The following ZNF331 variants were observed in gnomAD, a reference collection of about 807,000 sequenced individuals.
The protein encoded by ZNF331 is C2H2-like zinc finger protein rearranged in thyroid adenomas.
In ZNF331, 2 loss-of-function variants were observed where a neutral mutation model predicts 7.0. The ratio of observed to expected loss-of-function variants is 0.29; its 90% CI spans 0.12 to 0.90. The LOEUF is 0.90. Ranked by LOEUF, ZNF331 falls within the 40% of genes least tolerant of loss-of-function variation. ZNF331 has a pLI of 0.58. For synonymous variants in ZNF331, 196 were observed against 205.4 expected (o/e 0.95, Z 0.39); for missense variants, 432 against 587.7 (o/e 0.74, Z 2.74).
At chr19:53,523,358 A>G (rs1025420436) in intron 2 of ZNF331, 12 of 151,894 alleles carry the variant, frequency 7.9e-5, no homozygotes, top group African/African-American at 2.7e-4. Context: ...AGCTGGAATT[A>G]TAGGCACCCA....
intron 2 of ZNF331, among the ~76,000 whole-genome samples, chr19:53,542,306 C>T (rs541529904): frequency 6.6e-6 from 1 of 152,276 alleles, no homozygotes; most frequent in East Asian, 1.9e-4. Context: ...CCTATGGTAA[C>T]AAATTTTCAA....
In ZNF331 at chr19:53,569,386, G is replaced by A. The variant is rs187631835; in HGVS notation, c.9+1G>A. The A allele has an allele frequency of 8.7e-6, 14 of 1,613,834 alleles. No homozygotes were observed. In the East Asian group the frequency reaches 2.7e-4, roughly 31 times the overall value. Reference sequence around the variant, plus strand: ...CTTCAGTTCTAAAACAATGGCCCAGGTAAGTGTATATTTCTCTTTCCTTCT... The same window carrying A: ...CTTCAGTTCTAAAACAATGGCCCAGATAAGTGTATATTTCTCTTTCCTTCT... On this transcript the variant is annotated splice_donor_variant, in intron 4 of 5. Coordinates refer to ENST00000449416, the MANE Select transcript of ZNF331 (RefSeq NM_001079906.2). LOFTEE classifies it high-confidence loss of function.
the ZNF331 span, chr19:53,503,729 A>G: frequency 2.9e-6 from 2 of 700,582 alleles, no homozygotes; most frequent in Non-Finnish European, 5.2e-6. Flanking sequence ...CAGCCCCAGG[A>G]GCTCAGGTGG....
chr19:53,547,923 T>C (rs2088724472), intron 2 of ZNF331, among the ~76,000 whole-genome samples: 1 of 152,004 alleles, frequency 6.6e-6, no homozygotes, highest in African/African-American at 2.4e-5. Flanking sequence ...TTGTCATTTT[T>C]GTTTGTTTTT....
At chr19:53,549,240 G>A (rs2088824816) in intron 2 of ZNF331, among the ~76,000 whole-genome samples, 1 of 152,180 alleles carries the variant, frequency 6.6e-6, no homozygotes, top group African/African-American at 2.4e-5. Context: ...TCAAAGATCA[G>A]TTGACCATGA....
chr19:53,559,109 TACACACCATACATACAC>T (rs1242071074), intron 3 of ZNF331, among the ~76,000 whole-genome samples: 1 of 129,478 alleles, frequency 7.7e-6, no homozygotes, highest in Non-Finnish European at 1.7e-5. Context: ...GACACATATA[TACACACCATACATACAC>T]ACACACCCCA....
intron 2 of ZNF331, among the ~76,000 whole-genome samples, chr19:53,529,490 G>A (rs1474689614): frequency 1.3e-5 from 2 of 152,066 alleles, no homozygotes; most frequent in Non-Finnish European, 2.9e-5. Flanking sequence ...GTATTACACT[G>A]TAGTTCAATC....
intron 2 of ZNF331, among the ~76,000 whole-genome samples, chr19:53,545,414 G>A (rs189689725): frequency 1.1e-3 from 160 of 152,338 alleles, no homozygotes; most frequent in Non-Finnish European, 1.6e-3. Flanking sequence ...ACAGCAGCTC[G>A]GGCAGCCTGT....
At chr19:53,550,947 C>T (rs2088966732) in intron 2 of ZNF331, among the ~76,000 whole-genome samples, 1 of 151,078 alleles carries the variant, frequency 6.6e-6, no homozygotes, top group South Asian at 2.1e-4. Context: ...CGGGTTCAAG[C>T]TCTTCTCCTA....
In ZNF331 at chr19:53,569,333, G is replaced by C. The variant is rs1416423085; in HGVS notation, c.-44G>C. 1.2e-6 allele frequency: 2 copies of C among 1,611,742 alleles called. No homozygotes were observed. Among genetic ancestry groups the C allele is most frequent in the African/African-American group, 2.7e-5 (2 of 74,744 alleles). ...AGCCTCTCGGAATTTGTCTTCTTCA[G>C]TGGAAACCCCGAGAAGACTGATCAG... On this transcript the variant is annotated 5_prime_UTR_variant, in exon 4 of 6. Coordinates refer to ENST00000449416, the MANE Select transcript of ZNF331 (RefSeq NM_001079906.2).
At chr19:53,517,674 A>T (rs145992362), upstream of ZNF331, among the ~76,000 whole-genome samples, 1,928 of 152,278 alleles carry the variant, frequency 0.013, 18 homozygotes, top group Non-Finnish European at 0.019. Flanking sequence ...GGCTCACACG[A>T]TCACAAGGCA....
chr19:53,550,017 A>G (rs2088880758), intron 2 of ZNF331, among the ~76,000 whole-genome samples: 1 of 152,200 alleles, frequency 6.6e-6, no homozygotes, highest in Non-Finnish European at 1.5e-5. Context: ...CATGTCGATT[A>G]ATATCCACAT....
intron 2 of ZNF331, among the ~76,000 whole-genome samples, chr19:53,545,348 C>T (rs560264605): frequency 7.2e-5 from 11 of 152,330 alleles, no homozygotes; most frequent in Admixed American, 2.6e-4. Context: ...GCGTGACTAA[C>T]GGGGCATAAC....
At chr19:53,520,784 A>G (rs141693253), upstream of ZNF331, among the ~76,000 whole-genome samples, 248 of 150,518 alleles carry the variant, frequency 1.6e-3, 1 homozygote, top group African/African-American at 5.8e-3. Flanking sequence ...TATGAGCTAC[A>G]TTTCCCAGAA....
intron 3 of ZNF331, among the ~76,000 whole-genome samples, chr19:53,569,018 G>A (rs983059939): frequency 1.1e-4 from 16 of 151,828 alleles, no homozygotes; most frequent in African/African-American, 3.9e-4. Context: ...CACCACATCC[G>A]GCTAATTTTT....
At chr19:53,518,184 T>C (rs2086949931), upstream of ZNF331, among the ~76,000 whole-genome samples, 1 of 152,248 alleles carries the variant, frequency 6.6e-6, no homozygotes, top group Non-Finnish European at 1.5e-5. Context: ...CTGAGTCTTC[T>C]GGCTTTCATC....
At chr19:53,526,921 G>C (rs1190935184) in intron 2 of ZNF331, among the ~76,000 whole-genome samples, 1 of 151,816 alleles carries the variant, frequency 6.6e-6, no homozygotes, top group Non-Finnish European at 1.5e-5. Flanking sequence ...GCTGGGCGCA[G>C]TGCCTCATGC....
At chr19:53,518,964 T>C (rs113849397), upstream of ZNF331, among the ~76,000 whole-genome samples, 94 of 152,392 alleles carry the variant, frequency 6.2e-4, no homozygotes, top group African/African-American at 2.0e-3. Context: ...CTTGTTTATA[T>C]CCTTATCTGG....
Position 53,571,826 on chromosome 19 carries a change from T to C in ZNF331, c.136+96T>C. 1 of 1,457,898 alleles carries C rather than the reference T, an allele frequency of 6.9e-7. No individual in the cohort carries two copies. The highest frequency in any genetic ancestry group is 1.4e-5 in the South Asian group (1 of 72,476). The allele number at this position is 1,457,898 out of a possible 1,614,324, so 90.3% of individuals were successfully genotyped here. A position where few individuals can be genotyped will look rare whatever the true frequency, so the allele number is the denominator to read the frequency against. On this transcript the variant is annotated intron_variant, in intron 5 of 5. Transcript: ENST00000449416. This position sits in a 1 kb window ranked among gnomAD's most constrained non-coding sequence, Gnocchi z 4.7. ...CGCCTTTCAAGAAACTAGTTGAATTTCTTCTTCCTGTCCCCAAGGAATGTA... is the reference window on the plus strand; with the variant it reads ...CGCCTTTCAAGAAACTAGTTGAATTCCTTCTTCCTGTCCCCAAGGAATGTA...
Sources: allele counts gnomAD v4.1 joint callset (sites outside exome capture counted in the v4.1 genomes callset), GRCh38; gene constraint gnomAD v4.1.1; non-coding constraint Gnocchi (gnomAD v3.1); transcripts MANE v1.5; gene names NCBI Gene and HGNC (gene_info 2026-07-23, HGNC 2026-07-21).